The following CUL2 variants were observed in gnomAD, a reference collection of about 807,000 sequenced individuals.
The protein encoded by CUL2 is cullin-2.
Under a neutral mutation model 110.2 loss-of-function variants are expected in CUL2, and 22 were observed. The ratio of observed to expected loss-of-function variants is 0.20; its 90% CI spans 0.14 to 0.28. The LOEUF is 0.28. CUL2 is among the 10% of genes least tolerant of loss of function. The pLI is 1.00. For synonymous variants in CUL2, 279 were observed against 293.2 expected, an observed-to-expected ratio of 0.95 and a Z score of 0.49; for missense variants, 631 against 905.5, an observed-to-expected ratio of 0.70 and a Z score of 3.89.
Position 35,031,415 on chromosome 10 carries a change from C to A in CUL2, c.1300-29G>T. 1 of 1,597,702 alleles carries A rather than the reference C, an allele frequency of 6.3e-7. No homozygotes were observed. The highest frequency in any genetic ancestry group is 8.5e-7 in the Non-Finnish European group (1 of 1,171,630). Reference sequence around the variant, plus strand: ...CATTTAAAAATATTTTAAAAGATTACTTCCTTTCTAATGATTTAGCATTCA... The same window carrying A: ...CATTTAAAAATATTTTAAAAGATTAATTCCTTTCTAATGATTTAGCATTCA... On this transcript the variant is annotated intron_variant, in intron 13 of 20. Coordinates refer to ENST00000374749, the MANE Select transcript of CUL2 (RefSeq NM_003591.4). The surrounding 1 kb of genome is among the most constrained non-coding windows in gnomAD (Gnocchi z 4.4).
At chr10:35,102,910 G>A (rs1296178880) in intron 1 of CUL2, among the ~76,000 whole-genome samples, 3 of 151,406 alleles carry the variant, frequency 2.0e-5, no homozygotes, top group Non-Finnish European at 4.4e-5. Flanking sequence ...ATTTTAAGAA[G>A]AAACAACCTA....
chr10:35,088,365 G>C (rs2087111592), intron 1 of CUL2, among the ~76,000 whole-genome samples: 1 of 151,942 alleles, frequency 6.6e-6, no homozygotes, highest in Non-Finnish European at 1.5e-5. Flanking sequence ...AAAATTAGCT[G>C]GGCGTGGTGA....
At position 35,063,096 on chromosome 10, in the gene CUL2, G is replaced by T. The variant is rs552235050; in HGVS notation, c.120-34C>A. The T allele has an allele frequency of 5.5e-5, 65 of 1,184,210 alleles. 1 individual carries two copies. The South Asian group carries it at 8.4e-4, about 15-fold the overall frequency. The allele number at this position is 1,184,210 out of a possible 1,614,324, so 73.4% of individuals were successfully genotyped here. A position where few individuals can be genotyped will look rare whatever the true frequency, so the allele number is the denominator to read the frequency against. ...ATTATTAAGGTTTTCATATTTATTG[G>T]AGACAATTTTAAAACATAATGAGAT... On this transcript the variant is annotated intron_variant, in intron 2 of 20. Transcript: ENST00000374749.
At chr10:35,125,743 T>G (rs2087767636) in intron 1 of CUL2, among the ~76,000 whole-genome samples, 1 of 152,270 alleles carries the variant, frequency 6.6e-6, no homozygotes. Flanking sequence ...TTGTTTGGCT[T>G]AAAGCCATGA....
chr10:35,116,227 C>T (rs2087597922), intron 1 of CUL2, among the ~76,000 whole-genome samples: 3 of 151,832 alleles, frequency 2.0e-5, no homozygotes, highest in South Asian at 2.1e-4. Flanking sequence ...CCTGTAATCC[C>T]AGCTACTCCG....
At chr10:35,064,163 T>C (rs539991453) in intron 2 of CUL2, 1 of 152,310 alleles carries the variant, frequency 6.6e-6, no homozygotes, top group South Asian at 2.1e-4. Context: ...AATAAATTCA[T>C]ATATGTTAAA....
intron 19 of CUL2, among the ~76,000 whole-genome samples, chr10:35,012,433 T>C (rs1204022249): frequency 1.3e-5 from 2 of 152,118 alleles, no homozygotes; most frequent in African/African-American, 4.8e-5. Flanking sequence ...GATGGAGTTG[T>C]GTCAACTGCA....
intron 17 of CUL2, among the ~76,000 whole-genome samples, chr10:35,023,466 G>C (rs986569349): frequency 1.3e-5 from 2 of 152,148 alleles, no homozygotes; most frequent in African/African-American, 4.8e-5. Flanking sequence ...TAGAAATTTA[G>C]TATAGCTCAA....
At chr10:35,045,331 G>A (rs1018197460) in intron 6 of CUL2, among the ~76,000 whole-genome samples, 1 of 152,126 alleles carries the variant, frequency 6.6e-6, no homozygotes, top group African/African-American at 2.4e-5. Context: ...GCTCGTGCCT[G>A]TAATCCCAAC....
intron 11 of CUL2, 59 bp from the exon 12 acceptor site, chr10:35,032,553 T>C: frequency 1.5e-6 from 2 of 1,344,462 alleles, no homozygotes; most frequent in South Asian, 2.6e-5. Context: ...TACAGCTAGT[T>C]CAATATAAGC....
Position 35,044,669 on chromosome 10 carries a change from T to C in CUL2, c.611A>G (p.Gln204Arg). 6.2e-7 allele frequency: 1 copy of C among 1,604,218 alleles called. No homozygotes were observed. Among genetic ancestry groups the C allele is most frequent in the Non-Finnish European group, 8.5e-7 (1 of 1,174,992 alleles). ...YKKKFPLKFY[Q>R]EIFESPFLTE... is the part of the protein sequence containing the mutation. ...CAGAAAGGGAGACTCAAAAATTTCC[T>C]GATAAAACTGAATAAATCAATTACA... Residue 204 changes from glutamine (Q) to arginine (R), a missense_variant, in exon 8 of 21, where the codon CAG (glutamine) becomes CGG (arginine). Around this residue, in one of 3 missense-constraint regions of CUL2, gnomAD observed 338 missense variants for 442.5 expected, o/e 0.76. Coordinates refer to ENST00000374749, the MANE Select transcript of CUL2 (RefSeq NM_003591.4).
chr10:35,031,385 A>G lies in CUL2; in HGVS notation c.1301T>C (p.Phe434Ser). 6.2e-7 allele frequency: 1 copy of G among 1,606,236 alleles called. No homozygotes were observed. The highest frequency in any genetic ancestry group is 1.1e-5 in the South Asian group (1 of 89,752). Residue 434 changes from phenylalanine to serine, a missense_variant and splice_region_variant, in exon 14 of 21, where the codon TTC (phenylalanine) becomes TCC (serine). Physicochemically the swap from Phe to Ser is radical, Grantham distance 155. Around this residue, in one of 3 missense-constraint regions of CUL2, gnomAD observed 134 missense variants for 260.4 expected, o/e 0.51. Transcript: ENST00000374749. This position sits in a 1 kb window ranked among gnomAD's most constrained non-coding sequence, Gnocchi z 4.4. ...ACGTTTTGCCAGCATTCTTGCGTAG[A>G]ACTACATTTAAAAATATTTTAAAAG... ...YIDDKDVFQK[F>S]YARMLAKRLI...
intron 1 of CUL2, among the ~76,000 whole-genome samples, chr10:35,115,803 G>A (rs1032239175): frequency 2.6e-5 from 4 of 151,388 alleles, no homozygotes; most frequent in East Asian, 2.0e-4. Flanking sequence ...TGAGGCAGAA[G>A]GATGGGTTGA....
At chr10:35,109,464 T>A (rs2135125933) in intron 1 of CUL2, among the ~76,000 whole-genome samples, 1 of 152,258 alleles carries the variant, frequency 6.6e-6, no homozygotes, top group African/African-American at 2.4e-5. Flanking sequence ...AAAAATCAGG[T>A]AAATGAATGA....
chr10:35,061,699 A>G (rs2086386163), intron 3 of CUL2, among the ~76,000 whole-genome samples: 1 of 151,960 alleles, frequency 6.6e-6, no homozygotes, highest in Non-Finnish European at 1.5e-5. Context: ...GCCATATACT[A>G]TCAAAAGTAG....
rs58058299 is a variant in CUL2, at chr10:35,009,201, T to TTATATATATA, written c.*1100_*1109dup. On this transcript the variant is annotated 3_prime_UTR_variant, in exon 21 of 21. Coordinates refer to ENST00000374749, the MANE Select transcript of CUL2 (RefSeq NM_003591.4). The stretch of plus-strand genomic sequence containing the variant: ...CTGTTGAGATATATATATATATATA[T>TTATATATATA]TATATATATATATATATATAAAATA... The TTATATATATA allele has an allele frequency of 5.1e-5, 7 of 137,886 alleles. No homozygotes were observed. The highest frequency in any genetic ancestry group is 4.6e-4 in the South Asian group (2 of 4,326). The allele number at this position is 137,886 out of a possible 1,614,324, so 8.5% of individuals were successfully genotyped here.
chr10:35,113,181 C>CAAAAAAAAAAA (rs71660665), intron 1 of CUL2, among the ~76,000 whole-genome samples: 2 of 36,636 alleles, frequency 5.5e-5, no homozygotes, highest in South Asian at 1.5e-3. Context: ...GACTCCATCT[C>CAAAAAAAAAAA]AAAAAAAAAA....
chr10:35,065,350 A>C (rs2134951351), intron 2 of CUL2, among the ~76,000 whole-genome samples: 1 of 152,238 alleles, frequency 6.6e-6, no homozygotes, highest in East Asian at 1.9e-4. Context: ...GCCAGCCATG[A>C]TGACTCACGC....
Position 35,013,735 on chromosome 10 carries a change from A to G in CUL2, c.1953T>C (p.Phe651=), listed in dbSNP as rs1382931186. 1 of 1,570,124 alleles carries G rather than the reference A, an allele frequency of 6.4e-7. No individual in the cohort carries two copies. ...CTTTCTGCATTGATGTAGTAATTTT[A>G]AATTTTGTTCTTTTACTGCTAAAGT... ...NMNFSSKRTK[F]KITTSMQKDT... Residue 651 remains phenylalanine, a synonymous_variant, in exon 19 of 21, where the codon TTT becomes TTC. Coordinates refer to ENST00000374749, the MANE Select transcript of CUL2 (RefSeq NM_003591.4).
Sources: allele counts gnomAD v4.1 joint callset (sites outside exome capture counted in the v4.1 genomes callset), GRCh38; gene constraint gnomAD v4.1.1; regional missense constraint gnomAD v4.1.1; non-coding constraint Gnocchi (gnomAD v3.1); transcripts MANE v1.5; gene names NCBI Gene and HGNC (gene_info 2026-07-23, HGNC 2026-07-21).